The following FARP1 variants were observed in gnomAD, a reference collection of about 807,000 sequenced individuals.
FARP1 encodes FERM, ARH/RhoGEF and pleckstrin domain protein 1.
FARP1 carries 52 observed loss-of-function variants against 128.8 expected under a neutral mutation model. The observed-to-expected ratio is 0.40, with a 90% CI of 0.32 to 0.51. FARP1 has a LOEUF of 0.51. Ranked by LOEUF, FARP1 falls within the 20% of genes least tolerant of loss-of-function variation. FARP1 has a pLI of 0.45. For synonymous variants in FARP1, 580 were observed against 551.8 expected (o/e 1.05, Z -0.72); for missense variants, 1,333 against 1,367.9 (o/e 0.97, Z 0.40).
chr13:98,400,008 A>T (rs1481897267), intron 13 of FARP1: 2 of 152,218 alleles, frequency 1.3e-5, no homozygotes, highest in Non-Finnish European at 2.9e-5. Context: ...TAGGCGTTTA[A>T]TTAGAGGAAG....
intron 3 of FARP1, among the ~76,000 whole-genome samples, chr13:98,359,065 T>C (rs1286182480): frequency 2.6e-5 from 4 of 152,234 alleles, no homozygotes; most frequent in Non-Finnish European, 5.9e-5. Context: ...AGGTTGTTTT[T>C]GTCATATGCT....
intron 2 of FARP1, among the ~76,000 whole-genome samples, chr13:98,342,704 A>G (rs1361650266): frequency 6.6e-6 from 1 of 150,530 alleles, no homozygotes; most frequent in Admixed American, 6.6e-5. Context: ...CTGTTTCAAT[A>G]AATAAATAAG....
chr13:98,204,476 C>A (rs1880145046), intron 1 of FARP1, among the ~76,000 whole-genome samples: 1 of 152,164 alleles, frequency 6.6e-6, no homozygotes, highest in African/African-American at 2.4e-5. Flanking sequence ...CATTGTCAGG[C>A]ATTATATAAT....
chr13:98,375,468 A>T (rs1889541189), intron 5 of FARP1, among the ~76,000 whole-genome samples: 1 of 152,152 alleles, frequency 6.6e-6, no homozygotes, highest in Non-Finnish European at 1.5e-5. Context: ...GCTGTCCTGA[A>T]ACACCCTTTC....
rs630543 is a variant in FARP1 at position 98,286,635 on chromosome 13, G to C, written c.172-57127G>C. 8.1e-3 allele frequency among the ~76,000 whole-genome samples: 1,228 copies of C among 152,156 alleles called. 17 individuals carry two copies. The highest frequency in any genetic ancestry group is 0.025 in the African/African-American group (1,043 of 41,500). The stretch of plus-strand genomic sequence containing the variant: ...TTTAAACCTCTTTCTTTTGTAAATT[G>C]TTCTGTCTTGGGTTTCCCTTTATCA... On this transcript the variant is annotated intron_variant, in intron 2 of 26. Coordinates refer to ENST00000319562, the MANE Select transcript of FARP1 (RefSeq NM_005766.4).
intron 2 of FARP1, among the ~76,000 whole-genome samples, chr13:98,322,369 T>G (rs537572067): frequency 1.3e-5 from 2 of 152,292 alleles, no homozygotes; most frequent in South Asian, 4.2e-4. Context: ...TGAAAGGCAC[T>G]CCAGGAAAAA....
At chr13:98,163,058 C>G (rs1180375507) in intron 1 of FARP1, among the ~76,000 whole-genome samples, 3 of 152,144 alleles carry the variant, frequency 2.0e-5, no homozygotes, top group African/African-American at 7.2e-5. Flanking sequence ...ATAGAAAACA[C>G]ATGGAAGCAA....
intron 2 of FARP1, among the ~76,000 whole-genome samples, chr13:98,301,337 AGG>A (rs66834403): frequency 0.034 from 5,169 of 152,240 alleles, 290 homozygotes; most frequent in African/African-American, 0.11. Context: ...AAAGTTCTGT[AGG>A]TGAAGAGGTG....
chr13:98,198,462 G>A (rs1469670092), intron 1 of FARP1, among the ~76,000 whole-genome samples: 2 of 152,186 alleles, frequency 1.3e-5, no homozygotes, highest in African/African-American at 2.4e-5. Context: ...GCCAGGCGCG[G>A]TGGCTCATAC....
At chr13:98,271,999 A>G (rs1439631674) in intron 2 of FARP1, among the ~76,000 whole-genome samples, 1 of 152,084 alleles carries the variant, frequency 6.6e-6, no homozygotes, top group Non-Finnish European at 1.5e-5. Flanking sequence ...TAGATCCTTG[A>G]GGAATCGCCA....
intron 2 of FARP1, among the ~76,000 whole-genome samples, chr13:98,256,066 C>T (rs1362405694): frequency 6.6e-6 from 1 of 152,184 alleles, no homozygotes; most frequent in Non-Finnish European, 1.5e-5. Context: ...CCAGCAGGTT[C>T]GCTTCTAGGA....
intron 2 of FARP1, among the ~76,000 whole-genome samples, chr13:98,342,248 G>T (rs1171903185): frequency 6.6e-6 from 1 of 152,160 alleles, no homozygotes; most frequent in African/African-American, 2.4e-5. Context: ...AAGGCCTGGG[G>T]TCATGAGTTG....
At chr13:98,407,964 G>T (rs1263017427) in intron 13 of FARP1, among the ~76,000 whole-genome samples, 1 of 152,156 alleles carries the variant, frequency 6.6e-6, no homozygotes, top group Non-Finnish European at 1.5e-5. Flanking sequence ...GAAAATGGGG[G>T]TGCTCCTAGA....
At chr13:98,446,524 G>T in intron 25 of FARP1, 142 bp from the exon 26 acceptor site, 1 of 820,162 alleles carries the variant, frequency 1.2e-6, no homozygotes, top group South Asian at 1.7e-5. Context: ...GGCAAACACT[G>T]GCTGCCATGG....
chr13:98,442,811 G>A (rs538125719), intron 24 of FARP1, among the ~76,000 whole-genome samples: 21 of 152,348 alleles, frequency 1.4e-4, no homozygotes, highest in African/African-American at 3.8e-4. Flanking sequence ...GATGTGTGGC[G>A]CCGCCACTGG....
chr13:98,226,503 G>A (rs184313345), intron 2 of FARP1, among the ~76,000 whole-genome samples: 1 of 151,608 alleles, frequency 6.6e-6, no homozygotes, highest in Non-Finnish European at 1.5e-5. Flanking sequence ...GAGGAGGGGA[G>A]ATGTAGTTTA....
rs1312791866 is a variant in FARP1 at position 98,397,833 on chromosome 13, CACAA to C, written c.1414+2364_1414+2367del. On this transcript the variant is annotated intron_variant, in intron 13 of 26. Transcript: ENST00000319562. ...CTTGCTTGCAGAGTAAGAAAAACAT[CACAA>C]ACAAACTGCTTTTTCTTGATGCCTG... 4.3e-5 allele frequency: 6 copies of C among 138,656 alleles called. No homozygotes were observed. In the East Asian group the frequency reaches 1.2e-3, roughly 28 times the overall value. The allele number at this position is 138,656 out of a possible 1,614,324, so 8.6% of individuals were successfully genotyped here.
chr13:98,250,720 C>CA (rs145373844), intron 2 of FARP1, among the ~76,000 whole-genome samples: 2,251 of 139,070 alleles, frequency 0.016, 31 homozygotes, highest in African/African-American at 0.033. Context: ...GACTCTGTCT[C>CA]AAAAAAAAAA....
intron 16 of FARP1, among the ~76,000 whole-genome samples, chr13:98,412,965 G>A (rs1449798878): frequency 2.0e-5 from 3 of 152,208 alleles, no homozygotes; most frequent in African/African-American, 7.2e-5. Flanking sequence ...GGCCTCAGGG[G>A]CCCTCAGTGA....
Sources: allele counts gnomAD v4.1 joint callset (sites outside exome capture counted in the v4.1 genomes callset), GRCh38; gene constraint gnomAD v4.1.1; transcripts MANE v1.5; gene names NCBI Gene and HGNC (gene_info 2026-07-23, HGNC 2026-07-21).